CADPS2: variants seen among roughly 807,000 people sequenced by gnomAD.
CADPS2 encodes calcium-dependent secretion activator 2.
In CADPS2, 93 loss-of-function variants were observed where a neutral mutation model predicts 172.5. The observed-to-expected ratio is 0.54, with a 90% CI of 0.46 to 0.64. The LOEUF (loss-of-function observed/expected upper bound fraction) is 0.64. Ranked by LOEUF, CADPS2 falls within the 30% of genes least tolerant of loss-of-function variation. The pLI, the probability that CADPS2 is intolerant of heterozygous loss-of-function variation, is 0.00. For missense variants in CADPS2, 1,420 were observed against 1,565.9 expected (o/e 0.91, Z 1.57); for synonymous variants, 546 against 555.2 (o/e 0.98, Z 0.23).
chr7:122,814,293 AATG>A (rs1471796648), intron 1 of CADPS2, among the ~76,000 whole-genome samples: 9 of 152,056 alleles, frequency 5.9e-5, no homozygotes, highest in Non-Finnish European at 1.2e-4. Flanking sequence ...ACTTAAGCAA[AATG>A]ATGACATGAT....
chr7:122,523,252 A>G (rs1386474985), intron 8 of CADPS2, among the ~76,000 whole-genome samples: 1 of 152,178 alleles, frequency 6.6e-6, no homozygotes, highest in Non-Finnish European at 1.5e-5. Flanking sequence ...TCATTATTAA[A>G]GGATATATCT....
chr7:122,435,141 A>C (rs1586005940), intron 17 of CADPS2, among the ~76,000 whole-genome samples: 1 of 152,216 alleles, frequency 6.6e-6, no homozygotes, highest in African/African-American at 2.4e-5. Context: ...AGAAGCCCTG[A>C]GAAAAAGAGA....
At chr7:122,640,415 C>T (rs762823428) in intron 3 of CADPS2, among the ~76,000 whole-genome samples, 2 of 151,320 alleles carry the variant, frequency 1.3e-5, no homozygotes, top group Non-Finnish European at 2.9e-5. Flanking sequence ...AAATAATTAT[C>T]TTTCTTTACT....
chr7:122,745,661 G>T (rs897091015), intron 1 of CADPS2, among the ~76,000 whole-genome samples: 3 of 149,724 alleles, frequency 2.0e-5, no homozygotes, highest in Non-Finnish European at 3.0e-5. Context: ...CTAGCACATA[G>T]AATATCCTCT....
At chr7:122,567,407 T>G (rs906597620) in intron 7 of CADPS2, among the ~76,000 whole-genome samples, 1 of 152,184 alleles carries the variant, frequency 6.6e-6, no homozygotes, top group Non-Finnish European at 1.5e-5. Context: ...TCCTAAGGAT[T>G]ACAAAAGCAT....
At position 122,607,099 on chromosome 7, in the gene CADPS2, A is replaced by T. The variant is rs1354192990; in HGVS notation, c.1223+8082T>A. Among the ~76,000 whole-genome samples the T allele has an allele frequency of 2.6e-5, 4 of 152,164 alleles. No individual in the cohort carries two copies. In the South Asian group the frequency reaches 6.2e-4, roughly 24 times the overall value. On this transcript the variant is annotated intron_variant, in intron 6 of 29. Coordinates refer to ENST00000449022, the MANE Select transcript of CADPS2 (RefSeq NM_017954.11). ...TCCCCTTCCTACCAACTGCAATCCT[A>T]AACAAATGTTGTAGACAGATTAGAC...
intron 1 of CADPS2, among the ~76,000 whole-genome samples, chr7:122,762,598 T>C (rs2093424949): frequency 6.6e-6 from 1 of 152,130 alleles, no homozygotes; most frequent in South Asian, 2.1e-4. Flanking sequence ...GAAAGAAACA[T>C]TTTTCAAAAT....
Position 122,493,665 on chromosome 7 carries a change from C to T in CADPS2, c.1543-2245G>A, listed in dbSNP as rs191479531. Reference sequence around the variant, plus strand: ...ATATACTTACGTTTTACGTACATCACAGTACATAGGTACAAAGATGTAACA... The same window carrying T: ...ATATACTTACGTTTTACGTACATCATAGTACATAGGTACAAAGATGTAACA... On this transcript the variant is annotated intron_variant, in intron 9 of 29. Coordinates refer to ENST00000449022, the MANE Select transcript of CADPS2 (RefSeq NM_017954.11). 3.3e-5 allele frequency among the ~76,000 whole-genome samples: 5 copies of T among 151,252 alleles called. No individual in the cohort carries two copies. In the East Asian group the frequency reaches 7.8e-4, roughly 24 times the overall value.
intron 2 of CADPS2, among the ~76,000 whole-genome samples, chr7:122,681,036 A>G (rs1337384349): frequency 1.3e-5 from 2 of 150,198 alleles, no homozygotes; most frequent in Admixed American, 6.6e-5. Context: ...AGAACAAAAA[A>G]CCAAACACCG....
intron 20 of CADPS2, among the ~76,000 whole-genome samples, chr7:122,399,622 G>A (rs547311509): frequency 1.5e-5 from 2 of 137,252 alleles, no homozygotes; most frequent in South Asian, 5.0e-4. Flanking sequence ...ATTGAGTACA[G>A]CTATATCATG....
chr7:122,765,543 C>T (rs925145609), intron 1 of CADPS2, among the ~76,000 whole-genome samples: 43 of 152,084 alleles, frequency 2.8e-4, no homozygotes, highest in African/African-American at 1.0e-3. Flanking sequence ...CCTACAGTAC[C>T]TACTTCATGA....
At chr7:122,698,479 A>G in intron 2 of CADPS2, 1 of 1,613,940 alleles carries the variant, frequency 6.2e-7, no homozygotes, top group Non-Finnish European at 8.5e-7. Flanking sequence ...GACATCTTCA[A>G]ATGCCTGATG....
chr7:122,668,985 T>C (rs34089631), intron 2 of CADPS2, among the ~76,000 whole-genome samples: 5,491 of 152,310 alleles, frequency 0.036, 191 homozygotes, highest in Non-Finnish European at 0.049. Context: ...TTGTTTTGTT[T>C]GCTAATAAAT....
intron 9 of CADPS2, among the ~76,000 whole-genome samples, chr7:122,493,537 A>G (rs2058480058): frequency 6.6e-6 from 1 of 152,176 alleles, no homozygotes. Context: ...AAAAATGCTG[A>G]TTAGATAAGC....
chr7:122,824,901 T>G (rs1045862622), intron 1 of CADPS2, among the ~76,000 whole-genome samples: 7 of 152,218 alleles, frequency 4.6e-5, no homozygotes, highest in African/African-American at 1.4e-4. Flanking sequence ...ATCTGGTTGT[T>G]CCAACACTAT....
chr7:122,775,200 T>C (rs758301977), intron 1 of CADPS2, among the ~76,000 whole-genome samples: 7 of 152,220 alleles, frequency 4.6e-5, no homozygotes, highest in Non-Finnish European at 1.0e-4. Context: ...ACAATGTTTG[T>C]GAAGAGTCTA....
At chr7:122,436,104 A>G (rs2151930387) in intron 17 of CADPS2, among the ~76,000 whole-genome samples, 1 of 152,252 alleles carries the variant, frequency 6.6e-6, no homozygotes, top group East Asian at 1.9e-4. Context: ...CAAAGAGGGT[A>G]GCTCTTGTGT....
At chr7:122,579,426 T>C (rs937054984) in intron 7 of CADPS2, among the ~76,000 whole-genome samples, 2 of 144,540 alleles carry the variant, frequency 1.4e-5, no homozygotes, top group African/African-American at 5.2e-5. Flanking sequence ...GCATAAGCGG[T>C]TTCTCAGATA....
chr7:122,366,003 C>T (rs764511158), intron 25 of CADPS2, among the ~76,000 whole-genome samples: 41 of 151,866 alleles, frequency 2.7e-4, no homozygotes, highest in Non-Finnish European at 4.4e-4. Context: ...TTACACTGCA[C>T]GTTATAAAAT....
Sources: gnomAD v4.1 joint callset for allele counts (sites outside exome capture counted in the v4.1 genomes callset) on GRCh38, gnomAD v4.1.1 for gene constraint, MANE v1.5 for transcripts, NCBI Gene and HGNC (gene_info 2026-07-23, HGNC 2026-07-21) for gene names.